TLN2: variants seen among roughly 807,000 people sequenced by gnomAD.
The protein encoded by TLN2 is talin-2.
In TLN2, 118 loss-of-function variants were observed where a neutral mutation model predicts 294.7. The ratio of observed to expected loss-of-function variants is 0.40; its 90% CI spans 0.34 to 0.47. The LOEUF is 0.47. TLN2 is among the 20% of genes least tolerant of loss of function. The probability of loss-of-function intolerance (pLI) is 0.84; values close to 1 mark genes in which losing one functional copy is unlikely to be tolerated. For synonymous variants in TLN2, 1,431 were observed against 1,304.5 expected, an observed-to-expected ratio of 1.10 and a Z score of -2.09; for missense variants, 3,083 against 3,282.2, an observed-to-expected ratio of 0.94 and a Z score of 1.48.
At chr15:62,830,180 C>T (rs572977384) in intron 54 of TLN2, 4 of 152,248 alleles carry the variant, frequency 2.6e-5, no homozygotes, top group African/African-American at 2.4e-5. Flanking sequence ...GCGAGGATTC[C>T]GTTATCCCCT....
chr15:62,813,736 T>A (rs2066872120), intron 52 of TLN2, among the ~76,000 whole-genome samples: 1 of 152,158 alleles, frequency 6.6e-6, no homozygotes, highest in South Asian at 2.1e-4. Flanking sequence ...TACTGTACAT[T>A]TGATACATTC....
chr15:62,742,710 C>A (rs1486122615), intron 32 of TLN2, among the ~76,000 whole-genome samples: 1 of 152,160 alleles, frequency 6.6e-6, no homozygotes, highest in Non-Finnish European at 1.5e-5. Context: ...ATTTCATAGC[C>A]AGGTAAGCAC....
Position 62,420,053 on chromosome 15 carries a change from T to C in TLN2, c.-238+29368T>C, listed in dbSNP as rs150283216. On this transcript the variant is annotated intron_variant, in intron 1 of 58. Transcript: ENST00000636159. The stretch of plus-strand genomic sequence containing the variant: ...CACTTTGCTTTGTTCTTATTTCTTA[T>C]GTTAGGACCTCAACTGAAGAACAAT... Among the ~76,000 whole-genome samples, 8 of 152,316 alleles carry C rather than the reference T, an allele frequency of 5.3e-5. No homozygotes were observed. In the East Asian group the frequency reaches 1.4e-3, roughly 26 times the overall value.
chr15:62,747,970 T>G (rs992919664), intron 32 of TLN2, among the ~76,000 whole-genome samples: 2 of 152,130 alleles, frequency 1.3e-5, no homozygotes, highest in African/African-American at 4.8e-5. Context: ...GGGGTTCATC[T>G]TGCTGTCTGA....
At chr15:62,651,496 G>A (rs58176370) in intron 5 of TLN2, among the ~76,000 whole-genome samples, 2,790 of 152,258 alleles carry the variant, frequency 0.018, 95 homozygotes, top group African/African-American at 0.063. Context: ...AATATAGATA[G>A]ATTGTATATG....
intron 1 of TLN2, among the ~76,000 whole-genome samples, chr15:62,471,503 T>C (rs1388736925): frequency 7.9e-5 from 12 of 152,208 alleles, no homozygotes; most frequent in Admixed American, 7.8e-4. Context: ...AGCCGCACCC[T>C]GTATGTGCCT....
intron 14 of TLN2, 50 bp from the exon 15 acceptor site, chr15:62,697,638 A>G: frequency 6.5e-7 from 1 of 1,550,258 alleles, no homozygotes; most frequent in Non-Finnish European, 8.7e-7. Context: ...TCCTCATTGC[A>G]CTCCACATGG....
chr15:62,717,303 G>T (rs1224984225), intron 23 of TLN2, among the ~76,000 whole-genome samples: 1 of 152,090 alleles, frequency 6.6e-6, no homozygotes, highest in Non-Finnish European at 1.5e-5. Context: ...TATGATCTTG[G>T]AATCATCCTT....
At position 62,711,950 on chromosome 15, in the gene TLN2, C is replaced by T; in HGVS notation, c.2507C>T (p.Thr836Ile). Residue 836 changes from threonine (T) to isoleucine (I), a missense_variant, in exon 22 of 59, where the codon ACA becomes ATA. Coordinates refer to ENST00000636159, the MANE Select transcript of TLN2 (RefSeq NM_015059.3). Reference sequence around the variant, plus strand: ...CAGGCGCGGGTTCTGGCCCAAGCCACATCAGACCTCGTCAATGCCATGAGG... The same window carrying T: ...CAGGCGCGGGTTCTGGCCCAAGCCATATCAGACCTCGTCAATGCCATGAGG... ...VRQARVLAQA[T>I]SDLVNAMRSD... The T allele has an allele frequency of 6.2e-7, 1 of 1,613,852 alleles. No individual in the cohort carries two copies. The highest frequency in any genetic ancestry group is 8.5e-7 in the Non-Finnish European group (1 of 1,179,778).
At chr15:62,750,685 T>C (rs1376396081) in intron 34 of TLN2, among the ~76,000 whole-genome samples, 194 bp downstream of exon 34, 1 of 152,190 alleles carries the variant, frequency 6.6e-6, no homozygotes, top group Admixed American at 6.5e-5. Flanking sequence ...CTGGAGGGCT[T>C]GTTAAATACA....
intron 8 of TLN2, 65 bp downstream of exon 8, chr15:62,656,151 G>T (rs940228972): frequency 6.3e-7 from 1 of 1,589,428 alleles, no homozygotes; most frequent in African/African-American, 1.3e-5. Context: ...GCTGTATCTT[G>T]TGGCGAGCAG....
chr15:62,708,538 G>A lies in TLN2; in HGVS notation c.2209G>A (p.Glu737Lys). 1 of 1,614,114 alleles carries A rather than the reference G, an allele frequency of 6.2e-7. No homozygotes were observed. The highest frequency in any genetic ancestry group is 8.5e-7 in the Non-Finnish European group (1 of 1,179,970). ...SPTISSPVCQEQLIEAGKLVD... is the reference protein window; with the variant it reads ...SPTISSPVCQKQLIEAGKLVD... ...CACTATTAGCTCCCCTGTGTGCCAG[G>A]AGCAGCTGATTGAAGCAGGGAAGCT... The change falls in exon 21 of 59, where the codon GAG becomes AAG. Residue 737 changes from glutamate (E) to lysine (K), a missense_variant. Transcript: ENST00000636159.
chr15:62,822,855 T>TA (rs1472537600), intron 54 of TLN2, among the ~76,000 whole-genome samples: 2 of 152,040 alleles, frequency 1.3e-5, no homozygotes, highest in African/African-American at 4.8e-5. Context: ...ATGAAGAAAA[T>TA]AAGTAGGGAA....
intron 11 of TLN2, among the ~76,000 whole-genome samples, chr15:62,679,030 C>CTTTTTTTTTTTT (rs71131118): frequency 1.5e-5 from 2 of 132,400 alleles, no homozygotes; most frequent in South Asian, 2.4e-4. Context: ...TATACCAAGT[C>CTTTTTTTTTTTT]TTTTTTTTTT....
At chr15:62,798,401 A>G (rs1270980033) in intron 48 of TLN2, among the ~76,000 whole-genome samples, 1 of 152,026 alleles carries the variant, frequency 6.6e-6, no homozygotes, top group Non-Finnish European at 1.5e-5. Flanking sequence ...CATCTTTGAA[A>G]CCTGCACATG....
intron 9 of TLN2, among the ~76,000 whole-genome samples, chr15:62,671,580 A>G (rs2055428221): frequency 6.6e-6 from 1 of 152,230 alleles, no homozygotes; most frequent in Non-Finnish European, 1.5e-5. Flanking sequence ...GTTGAAAATC[A>G]GTTGACTGTA....
chr15:62,709,462 T>C (rs987880994), intron 21 of TLN2, among the ~76,000 whole-genome samples: 4 of 152,088 alleles, frequency 2.6e-5, no homozygotes, highest in Non-Finnish European at 5.9e-5. Flanking sequence ...GTTGGTTAGT[T>C]TGCATATCAA....
chr15:62,675,290 G>A lies in TLN2; in HGVS notation c.926G>A (p.Arg309His), dbSNP rs886677431. ...TACGTCAAACTCGCACGGTCCCTCC[G>A]CACATATGGCGTGTCCTTCTTCCTG... ...VKYVKLARSL[R>H]TYGVSFFLVK... The change falls in exon 11 of 59, where the codon CGC becomes CAC. Residue 309 changes from arginine to histidine, a missense_variant. Arg to His is a conservative substitution (Grantham distance 29). Transcript: ENST00000636159. The A allele has an allele frequency of 5.0e-6, 8 of 1,614,216 alleles. No homozygotes were observed. Among genetic ancestry groups the A allele is most frequent in the South Asian group, 1.1e-5 (1 of 91,088 alleles).
chr15:62,792,522 G>A, intron 45 of TLN2, 119 bp from the exon 46 acceptor site: 1 of 1,344,406 alleles, frequency 7.4e-7, no homozygotes, highest in Admixed American at 2.4e-5. Context: ...CTCCTAATAG[G>A]AGTGGAATTT....
Sources: gnomAD v4.1 joint callset for allele counts (sites outside exome capture counted in the v4.1 genomes callset) on GRCh38, gnomAD v4.1.1 for gene constraint, MANE v1.5 for transcripts, NCBI Gene and HGNC (gene_info 2026-07-23, HGNC 2026-07-21) for gene names.